PACS1: variants seen among roughly 807,000 people sequenced by gnomAD.
PACS1 encodes the protein PACS-1.
A neutral mutation model predicts 115.0 loss-of-function variants in PACS1; 24 were observed. That is an observed-to-expected ratio of 0.21 (90% confidence interval 0.15 to 0.29). The LOEUF is 0.29. PACS1 is among the 10% of genes least tolerant of loss of function. PACS1 has a pLI of 1.00. For missense variants in PACS1, 838 were observed against 1,251.2 expected (o/e 0.67, Z 4.98); for synonymous variants, 453 against 504.5 (o/e 0.90, Z 1.37).
intron 10 of PACS1, among the ~76,000 whole-genome samples, chr11:66,222,095 G>C (rs1340916815): frequency 6.6e-6 from 1 of 152,224 alleles, no homozygotes; most frequent in Non-Finnish European, 1.5e-5. Flanking sequence ...CAGCCTAGGT[G>C]ACAGAACAAG....
chr11:66,234,991 A>C (rs539246627), intron 17 of PACS1, among the ~76,000 whole-genome samples: 227 of 152,296 alleles, frequency 1.5e-3, no homozygotes, highest in African/African-American at 5.3e-3. Context: ...TGATGGCAAA[A>C]GTCTGTGGGG....
At chr11:66,089,073 A>G (rs956870319) in intron 1 of PACS1, among the ~76,000 whole-genome samples, 6 of 152,130 alleles carry the variant, frequency 3.9e-5, no homozygotes, top group African/African-American at 7.2e-5. Context: ...ACCTCATTCT[A>G]TCCCTGGGCA....
intron 5 of PACS1, 108 bp from the exon 6 acceptor site, chr11:66,216,412 A>AC (rs1590825948): frequency 9.9e-6 from 14 of 1,408,672 alleles, no homozygotes; most frequent in Non-Finnish European, 1.1e-5. Context: ...CCTCCCCTCC[A>AC]CCCTGGCTGT....
intron 1 of PACS1, among the ~76,000 whole-genome samples, chr11:66,118,846 C>T (rs1375645456): frequency 6.6e-6 from 1 of 150,888 alleles, no homozygotes; most frequent in Non-Finnish European, 1.5e-5. Context: ...ATTTCCTTCT[C>T]TCCCTTCCCA....
intron 14 of PACS1, among the ~76,000 whole-genome samples, chr11:66,232,511 T>G (rs1855618031): frequency 1.3e-5 from 2 of 151,034 alleles, no homozygotes; most frequent in Non-Finnish European, 1.5e-5. Context: ...TCCTCATACG[T>G]TAAAAAACAA....
chr11:66,174,922 G>A (rs1056001567), intron 1 of PACS1, among the ~76,000 whole-genome samples: 22 of 152,268 alleles, frequency 1.4e-4, no homozygotes, highest in African/African-American at 4.8e-4. Flanking sequence ...AGGCCTAGGC[G>A]GGTGGATCAC....
rs993786947 is a variant in PACS1 at position 66,241,438 on chromosome 11, G to A, written c.2441G>A (p.Ser814Asn). The A allele has an allele frequency of 1.3e-6, 2 of 1,595,486 alleles. No individual in the cohort carries two copies. Among genetic ancestry groups the A allele is most frequent in the African/African-American group, 1.3e-5 (1 of 74,812 alleles). Residue 814 changes from serine to asparagine, a missense_variant, in exon 22 of 24, where the codon AGC becomes AAC. By Grantham distance (46) the Ser-to-Asn change is conservative (BLOSUM62 1). Transcript: ENST00000320580. ...TTCCCTTTCCTCAGGAGCCCTAATA[G>A]CCCATATGGGGACGTGATTGGCCTC... ...SALAIVGSPN[S>N]PYGDVIGLQV...
At chr11:66,149,335 G>A (rs560983) in intron 1 of PACS1, among the ~76,000 whole-genome samples, 150,003 of 152,120 alleles carry the variant, frequency 0.99, 73,984 homozygotes, top group Middle Eastern at 1. Context: ...CAGGTGATGC[G>A]CCTGCCTCGG....
rs1036033245 is a variant in PACS1 at position 66,233,520 on chromosome 11, G to A, written c.1839-265G>A. ...CCAGGCCTGGGGGCACACACCCTGC[G>A]GGCATCCCAGGCACACTGCCGAGTC... On this transcript the variant is annotated intron_variant, in intron 15 of 23. Transcript: ENST00000320580. This position sits in a 1 kb window ranked among gnomAD's most constrained non-coding sequence, Gnocchi z 4.5. 6.6e-6 allele frequency among the ~76,000 whole-genome samples: 1 copy of A among 152,164 alleles called. No individual in the cohort carries two copies. The highest frequency in any genetic ancestry group is 2.4e-5 in the African/African-American group (1 of 41,416).
At chr11:66,197,003 A>G (rs543382258) in intron 2 of PACS1, among the ~76,000 whole-genome samples, 1 of 152,338 alleles carries the variant, frequency 6.6e-6, no homozygotes, top group South Asian at 2.1e-4. Context: ...AGAAGTCAGA[A>G]GTGATATTAA....
At chr11:66,074,928 A>AT (rs1390539336) in intron 1 of PACS1, among the ~76,000 whole-genome samples, 5 of 136,776 alleles carry the variant, frequency 3.7e-5, no homozygotes, top group South Asian at 2.3e-4. Context: ...AATTTTATTA[A>AT]TTTTTTTTTG....
At chr11:66,146,815 G>A (rs1355189505) in intron 1 of PACS1, among the ~76,000 whole-genome samples, 3 of 152,216 alleles carry the variant, frequency 2.0e-5, no homozygotes, top group Non-Finnish European at 4.4e-5. Context: ...AGCACTTTGG[G>A]AGGCTGAGGT....
chr11:66,070,989 G>T lies in PACS1; in HGVS notation c.356+147G>T. 1 of 835,426 alleles carries T rather than the reference G, an allele frequency of 1.2e-6. No homozygotes were observed. The highest frequency in any genetic ancestry group is 1.7e-6 in the Non-Finnish European group (1 of 600,592). 51.8% of individuals were successfully genotyped at this position (835,426 alleles called of 1,614,324 possible). On this transcript the variant is annotated intron_variant, in intron 1 of 23. Transcript: ENST00000320580. This position sits in a 1 kb window ranked among gnomAD's most constrained non-coding sequence, Gnocchi z 5.9. ...GCCTGGCTCCAGCCAGGCCTCCCGG[G>T]ACTCCTGCCACGGGGACCCGCCCTC...
At chr11:66,104,035 T>TA (rs1370035222) in intron 1 of PACS1, among the ~76,000 whole-genome samples, 1 of 152,066 alleles carries the variant, frequency 6.6e-6, no homozygotes, top group East Asian at 1.9e-4. Flanking sequence ...AGGGACACTT[T>TA]AAAAAATACA....
chr11:66,180,062 A>G lies in PACS1; in HGVS notation c.357-13424A>G, dbSNP rs529718545. Among the ~76,000 whole-genome samples, 6 of 152,044 alleles carry G rather than the reference A, an allele frequency of 3.9e-5. No homozygotes were observed. In the South Asian group the frequency reaches 1.2e-3, roughly 32 times the overall value. On this transcript the variant is annotated intron_variant, in intron 1 of 23. Transcript: ENST00000320580. ...TCACCATGTTGGCCAAGCTGGTCTC[A>G]AACTCCTGATCTCAGGTGATCCGCC... is the stretch of plus-strand genomic sequence containing the variant.
intron 1 of PACS1, among the ~76,000 whole-genome samples, chr11:66,146,629 G>A (rs745617233): frequency 6.6e-6 from 1 of 152,174 alleles, no homozygotes; most frequent in Non-Finnish European, 1.5e-5. Flanking sequence ...GAAAAAAAAT[G>A]TATGAAGTAA....
At chr11:66,152,303 A>G (rs190905667) in intron 1 of PACS1, among the ~76,000 whole-genome samples, 1 of 152,228 alleles carries the variant, frequency 6.6e-6, no homozygotes, top group South Asian at 2.1e-4. Flanking sequence ...GCCGTTGAAG[A>G]TAGATCAATA....
intron 1 of PACS1, among the ~76,000 whole-genome samples, chr11:66,086,288 G>A (rs1444952746): frequency 3.3e-5 from 5 of 150,088 alleles, no homozygotes; most frequent in African/African-American, 7.4e-5. Context: ...ACAGGCGCCC[G>A]CTACCTCGCC....
At chr11:66,100,950 C>T (rs1249327135) in intron 1 of PACS1, 2 of 455,788 alleles carry the variant, frequency 4.4e-6, no homozygotes, top group South Asian at 1.5e-5. Context: ...GCCTGTCCTC[C>T]TCCAGCGTGG....
Sources: gnomAD v4.1 joint callset for allele counts (sites outside exome capture counted in the v4.1 genomes callset) on GRCh38, gnomAD v4.1.1 for gene constraint, Gnocchi (gnomAD v3.1) non-coding constraint, MANE v1.5 for transcripts, NCBI Gene and HGNC (gene_info 2026-07-23, HGNC 2026-07-21) for gene names.